Variants in COL6A6 observed in about 807,000 individuals in gnomAD.
COL6A6 encodes the protein collagen type VI alpha 6 chain, also known as collagen alpha-6(VI) chain.
COL6A6 carries 183 observed loss-of-function variants against 208.6 expected under a neutral mutation model. The observed-to-expected ratio is 0.88, with a 90% CI of 0.78 to 0.99. The LOEUF (loss-of-function observed/expected upper bound fraction) is 0.99, where lower values mean the gene tolerates loss of function less well. Among genes scored for constraint, COL6A6 ranks in the 50% least tolerant of loss-of-function variants. COL6A6 has a pLI of 0.00. For synonymous variants in COL6A6, 973 were observed against 1,011.8 expected (o/e 0.96, Z 0.73); for missense variants, 2,816 against 2,815.2 (o/e 1.00, Z -0.01).
intron 12 of COL6A6, chr3:130,589,843 A>AT (rs1371423674): frequency 7.5e-6 from 2 of 266,126 alleles, no homozygotes; most frequent in Non-Finnish European, 1.5e-5. Flanking sequence ...AATGATTTCA[A>AT]TACAGTTTGT....
At chr3:130,647,094 G>T (rs2065482328) in intron 32 of COL6A6, among the ~76,000 whole-genome samples, 1 of 152,118 alleles carries the variant, frequency 6.6e-6, no homozygotes, top group Admixed American at 6.5e-5. Context: ...GCAGTCCTCA[G>T]TACATAGTGT....
In COL6A6 at chr3:130,623,601, A is replaced by T. The variant is rs575691696; in HGVS notation, c.4878+1718A>T. Reference sequence around the variant, plus strand: ...GTGATGATTCCATAGAACTCTTCCAATAGGGGACTGATGCAGAGAGGAGTG... The same window carrying T: ...GTGATGATTCCATAGAACTCTTCCATTAGGGGACTGATGCAGAGAGGAGTG... On this transcript the variant is annotated intron_variant, in intron 24 of 36. Coordinates refer to ENST00000358511, the MANE Select transcript of COL6A6 (RefSeq NM_001102608.3). Among the ~76,000 whole-genome samples, 524 of 152,310 alleles carry T rather than the reference A, an allele frequency of 3.4e-3. 5 individuals are homozygous for T. The highest frequency in any genetic ancestry group is 0.012 in the African/African-American group (499 of 41,568).
Position 130,589,107 on chromosome 3 carries a change from G to A in COL6A6, c.4143G>A (p.Arg1381=), listed in dbSNP as rs369458948. The change falls in exon 12 of 37, where the codon AGG becomes AGA. Residue 1381 remains arginine (R), a synonymous_variant. Coordinates refer to ENST00000358511, the MANE Select transcript of COL6A6 (RefSeq NM_001102608.3). ...CTCCCAAGGTCAATGTTGCTGAAAG[G>A]ACATGCTGCTGTTTGTTCTGCAAGT... ...LSKQLVNVAE[R]TCCCLFCKCI... 10 of 1,613,672 alleles carry A rather than the reference G, an allele frequency of 6.2e-6. No homozygotes were observed. The African/African-American group carries it at 1.2e-4, about 19-fold the overall frequency.
At chr3:130,541,199 C>T (rs2062355070) in intron 1 of COL6A6, among the ~76,000 whole-genome samples, 1 of 152,158 alleles carries the variant, frequency 6.6e-6, no homozygotes, top group South Asian at 2.1e-4. Context: ...AGCCAACAAA[C>T]ATATTTTTAA....
intron 35 of COL6A6, 73 bp from the exon 36 acceptor site, chr3:130,664,930 T>A: frequency 2.1e-6 from 2 of 974,982 alleles, no homozygotes; most frequent in Non-Finnish European, 3.2e-6. Flanking sequence ...AAGTGGCACT[T>A]TGTGTACAGA....
At chr3:130,619,290 A>T (rs1457024856) in intron 23 of COL6A6, among the ~76,000 whole-genome samples, 1 of 152,148 alleles carries the variant, frequency 6.6e-6, no homozygotes, top group Non-Finnish European at 1.5e-5. Flanking sequence ...TGAAACAGTG[A>T]TGCTAAAGGT....
At chr3:130,544,931 A>G (rs767284146) in intron 1 of COL6A6, among the ~76,000 whole-genome samples, 21 of 152,284 alleles carry the variant, frequency 1.4e-4, no homozygotes, top group Non-Finnish European at 2.5e-4. Flanking sequence ...TATTAGATAT[A>G]TGGTTTTCAA....
chr3:130,524,354 T>C (rs1037814129), intron 1 of COL6A6, among the ~76,000 whole-genome samples: 11 of 152,226 alleles, frequency 7.2e-5, no homozygotes, highest in Admixed American at 6.5e-4. Context: ...CAAAACAGTT[T>C]TCAAGTTCAC....
At chr3:130,585,699 A>T (rs1209937798) in intron 10 of COL6A6, among the ~76,000 whole-genome samples, 1 of 152,156 alleles carries the variant, frequency 6.6e-6, no homozygotes. Flanking sequence ...ATCTGTTCCT[A>T]ATTGCCTGAC....
At chr3:130,591,232 C>G (rs1214027341) in intron 13 of COL6A6, 138 bp downstream of exon 13, 10 of 742,468 alleles carry the variant, frequency 1.3e-5, no homozygotes, top group Non-Finnish European at 2.3e-5. Context: ...TTCTTTTGTC[C>G]TCATTGTGCT....
intron 20 of COL6A6, among the ~76,000 whole-genome samples, chr3:130,606,657 A>G (rs1308694971): frequency 6.6e-6 from 1 of 152,216 alleles, no homozygotes; most frequent in Non-Finnish European, 1.5e-5. Flanking sequence ...CAAATTATTG[A>G]CCACAGTCTG....
rs752924729 is a variant in COL6A6, at chr3:130,627,323, A to G, written c.4946A>G (p.Asn1649Ser). The change falls in exon 26 of 37, where the codon AAT (asparagine) becomes AGT (serine). Residue 1649 changes from asparagine to serine, a missense_variant. Transcript: ENST00000358511. ...AATCAATTGCTCTGTTTACAGGGCA[A>G]TGATGGCAGTCCAGGTTATGGTAGT... ...GFPGPRGLQG[N>S]DGSPGYGSVG... 2.2e-5 allele frequency: 35 copies of G among 1,613,666 alleles called. No homozygotes were observed. Among genetic ancestry groups the G allele is most frequent in the Non-Finnish European group, 2.9e-5 (34 of 1,179,582 alleles).
chr3:130,536,088 A>G (rs1340012124), intron 1 of COL6A6, among the ~76,000 whole-genome samples: 2 of 152,196 alleles, frequency 1.3e-5, no homozygotes, highest in African/African-American at 4.8e-5. Context: ...TTTTGATTTT[A>G]TAGAAGGGGA....
Position 130,567,041 on chromosome 3 carries a change from T to A in COL6A6, c.1622T>A (p.Leu541His), listed in dbSNP as rs1342786936. ...KQRGNKVPCH[L>H]VVLTNGMSKD... ...CGAGGAAACAAAGTTCCATGCCACC[T>A]TGTTGTCCTGACAAATGGCATGTCC... The change falls in exon 5 of 37, where the codon CTT (leucine) becomes CAT (histidine). Residue 541 changes from leucine to histidine, a missense_variant. Coordinates refer to ENST00000358511, the MANE Select transcript of COL6A6 (RefSeq NM_001102608.3). 6.2e-7 allele frequency: 1 copy of A among 1,614,052 alleles called. No homozygotes were observed. The highest frequency in any genetic ancestry group is 8.5e-7 in the Non-Finnish European group (1 of 1,179,892).
chr3:130,658,748 C>T lies in COL6A6; in HGVS notation c.5806C>T (p.Leu1936Phe). 2 of 1,612,534 alleles carry T rather than the reference C, an allele frequency of 1.2e-6. No homozygotes were observed. The highest frequency in any genetic ancestry group is 1.7e-6 in the Non-Finnish European group (2 of 1,179,116). ...GADYIPALER[L>F]QRCTFCYDVC... Reference sequence around the variant, plus strand: ...CGACTACATACCAGCATTAGAGAGACTCCAGCGGTGCACTTTCTGCTATGG... The same window carrying T: ...CGACTACATACCAGCATTAGAGAGATTCCAGCGGTGCACTTTCTGCTATGG... Residue 1936 changes from leucine (L) to phenylalanine (F), a missense_variant, in exon 34 of 37, where the codon CTC (leucine) becomes TTC (phenylalanine). Physicochemically the swap from Leu to Phe is conservative, Grantham distance 22. Transcript: ENST00000358511.
chr3:130,643,002 C>A lies in COL6A6; in HGVS notation c.5206C>A (p.Gln1736Lys). 6.2e-7 allele frequency: 1 copy of A among 1,613,896 alleles called. No homozygotes were observed. Among genetic ancestry groups the A allele is most frequent in the Non-Finnish European group, 8.5e-7 (1 of 1,179,796 alleles). The change falls in exon 31 of 37, where the codon CAG becomes AAG. Residue 1736 changes from glutamine (Q) to lysine (K), a missense_variant. By Grantham distance (53) the Gln-to-Lys change is moderately conservative. Transcript: ENST00000358511. The stretch of plus-strand genomic sequence containing the variant: ...CGAACTGCAGACATGTGAGCTCATT[C>A]AGTATGTGCGAGACCGCAGTCGTAA... The part of the protein sequence containing the change: ...LASFSTCELI[Q>K]YVRDRSPGRH...
chr3:130,565,554 C>G lies in COL6A6; in HGVS notation c.1222C>G (p.Arg408Gly), dbSNP rs770189741. The change falls in exon 4 of 37, where the codon CGG becomes GGG. Residue 408 changes from arginine to glycine, a missense_variant. Coordinates refer to ENST00000358511, the MANE Select transcript of COL6A6 (RefSeq NM_001102608.3). ...AHNQTFLKKL[R>G]NQITHTVSVF... ...CAACCAGACATTTCTGAAGAAGCTGCGGAACCAAATAACACACACAGTCTC... is the reference window on the plus strand; with the variant it reads ...CAACCAGACATTTCTGAAGAAGCTGGGGAACCAAATAACACACACAGTCTC... 5 of 1,613,666 alleles carry G rather than the reference C, an allele frequency of 3.1e-6. No homozygotes were observed. Among genetic ancestry groups the G allele is most frequent in the Non-Finnish European group, 4.2e-6 (5 of 1,179,702 alleles).
At chr3:130,599,636 A>C in intron 19 of COL6A6, 121 bp from the exon 20 acceptor site, 4 of 899,772 alleles carry the variant, frequency 4.4e-6, no homozygotes, top group Non-Finnish European at 7.1e-6. Context: ...TCCAAAGGAA[A>C]GGTAACTCTC....
chr3:130,641,823 T>C, intron 29 of COL6A6, 109 bp downstream of exon 29: 1 of 545,246 alleles, frequency 1.8e-6, no homozygotes, highest in Non-Finnish European at 3.2e-6. Flanking sequence ...TCTCTGCTTC[T>C]TGGCCACTTT....
Sources: allele counts gnomAD v4.1 joint callset (sites outside exome capture counted in the v4.1 genomes callset), GRCh38; gene constraint gnomAD v4.1.1; transcripts MANE v1.5; gene names NCBI Gene and HGNC (gene_info 2026-07-23, HGNC 2026-07-21).